The following CSPP1 variants were observed in gnomAD, a reference collection of about 807,000 sequenced individuals.
The protein encoded by CSPP1 is centrosome and spindle pole-associated protein 1.
Under a neutral mutation model 164.4 loss-of-function variants are expected in CSPP1, and 126 were observed. The ratio of observed to expected loss-of-function variants is 0.77; its 90% CI spans 0.66 to 0.89. CSPP1 has a LOEUF of 0.89. CSPP1 is among the 40% of genes least tolerant of loss of function. CSPP1 has a pLI of 0.00. For missense variants in CSPP1, 1,395 were observed against 1,449.8 expected, an observed-to-expected ratio of 0.96 and a Z score of 0.61; for synonymous variants, 472 against 476.7, an observed-to-expected ratio of 0.99 and a Z score of 0.13.
intron 8 of CSPP1, among the ~76,000 whole-genome samples, chr8:67,104,794 C>T (rs754274867): frequency 4.1e-5 from 6 of 147,020 alleles, no homozygotes; most frequent in East Asian, 2.1e-4. Flanking sequence ...TGTGTCACCA[C>T]GCCTGGCTAA....
chr8:67,080,768 T>G (rs182972728), intron 3 of CSPP1: 1 of 152,364 alleles, frequency 6.6e-6, no homozygotes, highest in Non-Finnish European at 1.5e-5. Flanking sequence ...TTGAGACACA[T>G]AGGGTAAGGT....
chr8:67,132,689 T>C (rs191116998), intron 16 of CSPP1, among the ~76,000 whole-genome samples: 13 of 152,212 alleles, frequency 8.5e-5, no homozygotes, highest in Middle Eastern at 3.4e-3. Context: ...GACTCAGATA[T>C]AGGGAATGAG....
rs201261521 is a variant in CSPP1 at position 67,193,557 on chromosome 8, C to T, written c.3424C>T (p.Arg1142Ter). 3.0e-5 allele frequency: 49 copies of T among 1,613,578 alleles called. No individual in the cohort carries two copies. The highest frequency in any genetic ancestry group is 1.6e-4 in the Middle Eastern group (1 of 6,062). The change falls in exon 30 of 31, where the codon CGA becomes TGA. Residue 1142 changes from arginine to a stop codon, truncating the protein, a stop_gained. Transcript: ENST00000678616. LOFTEE classifies it high-confidence loss of function. ...TGAGCTTAGAGTGAGAAATGAGGAA[C>T]GAATGCGAAGACTGAATGAATTTCA... ...VDELRVRNEE[R>*]MRRLNEFHNK...
At chr8:67,158,904 CATTTT>C in intron 20 of CSPP1, 82 bp from the exon 21 acceptor site, 1 of 1,128,804 alleles carries the variant, frequency 8.9e-7, no homozygotes, top group South Asian at 1.6e-5. Context: ...ATCTTTATCT[CATTTT>C]ATCAGATAAA....
intron 7 of CSPP1, among the ~76,000 whole-genome samples, chr8:67,100,606 G>T (rs1416860109): frequency 2.0e-5 from 3 of 150,386 alleles, no homozygotes; most frequent in African/African-American, 7.3e-5. Context: ...TTGAGACAGG[G>T]TCTTACTCTG....
chr8:67,078,758 A>C (rs1808499318), intron 3 of CSPP1, among the ~76,000 whole-genome samples: 1 of 151,998 alleles, frequency 6.6e-6, no homozygotes, highest in African/African-American at 2.4e-5. Context: ...ATCACTTGAG[A>C]TCAGGAGTTC....
At chr8:67,121,218 T>C (rs1161257961) in intron 15 of CSPP1, among the ~76,000 whole-genome samples, 1 of 152,174 alleles carries the variant, frequency 6.6e-6, no homozygotes, top group African/African-American at 2.4e-5. Context: ...CTATGTTTAA[T>C]AGAAATGGCT....
intron 17 of CSPP1, 109 bp downstream of exon 17, chr8:67,137,712 T>A: frequency 1.9e-6 from 1 of 532,532 alleles, no homozygotes; most frequent in South Asian, 5.5e-5. Flanking sequence ...TAGCAACGCA[T>A]GTATGTAACT....
intron 21 of CSPP1, among the ~76,000 whole-genome samples, chr8:67,160,456 C>T (rs886846128): frequency 1.4e-5 from 2 of 145,668 alleles, no homozygotes; most frequent in Non-Finnish European, 1.5e-5. Flanking sequence ...CAGAGCGAGA[C>T]TCCATCTCAA....
chr8:67,145,029 G>T (rs113760380), intron 17 of CSPP1, among the ~76,000 whole-genome samples: 16 of 146,648 alleles, frequency 1.1e-4, no homozygotes, highest in African/African-American at 3.8e-4. Context: ...CCAAGATTGC[G>T]TCACTGCCAG....
At chr8:67,099,151 G>C (rs1416642808) in intron 7 of CSPP1, among the ~76,000 whole-genome samples, 1 of 151,770 alleles carries the variant, frequency 6.6e-6, no homozygotes, top group Admixed American at 6.6e-5. Context: ...TAGTAGGATG[G>C]TGAAACCATT....
intron 18 of CSPP1, 92 bp downstream of exon 18, chr8:67,150,027 A>T: frequency 7.8e-7 from 1 of 1,277,746 alleles, no homozygotes. Flanking sequence ...TCTTATTGGG[A>T]TCTTGAGAAT....
intron 24 of CSPP1, among the ~76,000 whole-genome samples, chr8:67,169,586 C>T (rs1830094293): frequency 6.6e-6 from 1 of 151,928 alleles, no homozygotes; most frequent in African/African-American, 2.4e-5. Flanking sequence ...ATTACAAGTG[C>T]CCACCCCCAC....
At position 67,164,518 on chromosome 8, in the gene CSPP1, G is replaced by C. The variant is rs777699015; in HGVS notation, c.2828+10G>C. The stretch of plus-strand genomic sequence containing the variant: ...ATGAAATTCCTATCAGGCAAGTTTA[G>C]AATTGCAGTTTTTGTGTTCGCTTGA... On this transcript the variant is annotated intron_variant, in intron 24 of 30. Coordinates refer to ENST00000678616, the MANE Select transcript of CSPP1 (RefSeq NM_001382391.1). 7.6e-7 allele frequency: 1 copy of C among 1,321,760 alleles called. No homozygotes were observed. 81.9% of individuals were successfully genotyped at this position (1,321,760 alleles called of 1,614,324 possible).
At chr8:67,171,536 T>G (rs112053604) in intron 24 of CSPP1, among the ~76,000 whole-genome samples, 1,859 of 152,048 alleles carry the variant, frequency 0.012, 39 homozygotes, top group African/African-American at 0.043. Context: ...GCACACACTA[T>G]CATGCTTGAC....
chr8:67,147,823 A>C (rs943652933), intron 17 of CSPP1, among the ~76,000 whole-genome samples: 3 of 151,938 alleles, frequency 2.0e-5, no homozygotes, highest in African/African-American at 4.8e-5. Context: ...TCATCCCTTC[A>C]TCCATTCTCT....
chr8:67,067,416 C>T (rs187595209), intron 1 of CSPP1, among the ~76,000 whole-genome samples: 267 of 152,302 alleles, frequency 1.8e-3, no homozygotes, highest in Admixed American at 3.7e-3. Flanking sequence ...TTATTTAAAT[C>T]TCAGCATACT....
At position 67,086,086 on chromosome 8, in the gene CSPP1, A is replaced by G. The variant is rs972152106; in HGVS notation, c.279A>G (p.Gln93=). The G allele has an allele frequency of 5.4e-6, 8 of 1,469,818 alleles. No homozygotes were observed. The highest frequency in any genetic ancestry group is 6.7e-6 in the Non-Finnish European group (7 of 1,048,764). 91.0% of individuals were successfully genotyped at this position (1,469,818 alleles called of 1,614,324 possible). Reference sequence around the variant, plus strand: ...ATAAATTAAAAGAAGAATTGCGGCAAGATTACAGACGTTATCTTACTCAGG... The same window carrying G: ...ATAAATTAAAAGAAGAATTGCGGCAGGATTACAGACGTTATCTTACTCAGG... ...KKHKLKEELR[Q]DYRRYLTQKN... Residue 93 remains glutamine, a synonymous_variant, in exon 4 of 31, where the codon CAA becomes CAG. Coordinates refer to ENST00000678616, the MANE Select transcript of CSPP1 (RefSeq NM_001382391.1).
chr8:67,074,046 A>G (rs535999166), intron 1 of CSPP1, among the ~76,000 whole-genome samples, 197 bp from the exon 2 acceptor site: 1 of 152,140 alleles, frequency 6.6e-6, no homozygotes, highest in South Asian at 2.1e-4. Context: ...TTTATTTCAG[A>G]TATTTTAAAG....
Sources: allele counts gnomAD v4.1 joint callset (sites outside exome capture counted in the v4.1 genomes callset), GRCh38; gene constraint gnomAD v4.1.1; transcripts MANE v1.5; gene names NCBI Gene and HGNC (gene_info 2026-07-23, HGNC 2026-07-21).